The following ABCA2 variants were observed in gnomAD, a reference collection of about 807,000 sequenced individuals.
The protein encoded by ABCA2 is ATP binding cassette subfamily A member 2.
ABCA2 carries 84 observed loss-of-function variants against 262.8 expected under a neutral mutation model. The ratio of observed to expected loss-of-function variants is 0.32; its 90% CI spans 0.27 to 0.38. ABCA2 has a LOEUF of 0.38. Ranked by LOEUF, ABCA2 falls within the 10% of genes least tolerant of loss-of-function variation. The pLI is 1.00. For missense variants in ABCA2, 2,662 were observed against 3,405.9 expected, an observed-to-expected ratio of 0.78 and a Z score of 5.44; for synonymous variants, 1,696 against 1,502.9, an observed-to-expected ratio of 1.13 and a Z score of -2.97.
chr9:137,014,970 G>A lies in ABCA2; in HGVS notation c.3825C>T (p.Leu1275=). ...CLLVSDTSTE[L]SYILPSEAAK... ...CGGCCTCGCTGGGCAGGATGTAGGA[G>A]AGCTCCGTGCTTGTGTCTGAGACCA... The change falls in exon 25 of 49, where the codon CTC becomes CTT. Residue 1275 remains leucine (L), a synonymous_variant. Coordinates refer to ENST00000341511, the MANE Select transcript of ABCA2 (RefSeq NM_001606.5). 2 of 1,578,332 alleles carry A rather than the reference G, an allele frequency of 1.3e-6. No individual in the cohort carries two copies. The highest frequency in any genetic ancestry group is 1.7e-4 in the Middle Eastern group (1 of 5,878).
chr9:137,015,365 C>A, intron 24 of ABCA2, 49 bp downstream of exon 24: 1 of 1,514,406 alleles, frequency 6.6e-7, no homozygotes. Flanking sequence ...AGGTGGGGGT[C>A]CCGGGGAGAA....
upstream of ABCA2, chr9:137,028,580 G>T: frequency 2.4e-6 from 2 of 825,082 alleles, no homozygotes; most frequent in Non-Finnish European, 3.1e-6. The surrounding 1 kb of genome is among the most constrained non-coding windows in gnomAD (Gnocchi z 6.9). Flanking sequence ...CACCGCGCTG[G>T]CGACTCTGCA....
At chr9:137,012,452 C>G (rs774911570) in intron 32 of ABCA2, 33 bp downstream of exon 32, 3 of 1,609,736 alleles carry the variant, frequency 1.9e-6, no homozygotes, top group East Asian at 2.2e-5. Context: ...CGGCGCTACA[C>G]ACAGCGGGGC....
chr9:137,014,008 C>A lies in ABCA2; in HGVS notation c.4271G>T (p.Gly1424Val). 1 of 1,611,738 alleles carries A rather than the reference C, an allele frequency of 6.2e-7. No individual in the cohort carries two copies. Among genetic ancestry groups the A allele is most frequent in the Non-Finnish European group, 8.5e-7 (1 of 1,179,840 alleles). The stretch of plus-strand genomic sequence containing the variant: ...GCCGTCCAGCTTGCGGCTGCCCTGG[C>A]CGACCCTCGACAGGGCCTCTGCCTC... Reference protein sequence around the residue: ...EVEAEALSRVGQGSRKLDGGW... With the variant: ...EVEAEALSRVVQGSRKLDGGW... The change falls in exon 28 of 49, where the codon GGC becomes GTC. Residue 1424 changes from glycine to valine, a missense_variant. Transcript: ENST00000341511.
In ABCA2 at chr9:137,013,304, G is replaced by A; in HGVS notation, c.4565C>T (p.Pro1522Leu). 6.4e-7 allele frequency: 1 copy of A among 1,557,266 alleles called. No individual in the cohort carries two copies. Among genetic ancestry groups the A allele is most frequent in the Non-Finnish European group, 8.6e-7 (1 of 1,157,888 alleles). ...ERREYRLRLS[P>L]DASPQQLVST... Reference sequence around the variant, plus strand: ...CACGAGCTGCTGGGGGCTGGCGTCGGGCGATAGCCGCAGCCTGCGGGCACC... The same window carrying A: ...CACGAGCTGCTGGGGGCTGGCGTCGAGCGATAGCCGCAGCCTGCGGGCACC... The change falls in exon 30 of 49, where the codon CCC becomes CTC. Residue 1522 changes from proline to leucine, a missense_variant. Physicochemically the swap from Pro to Leu is moderately conservative, Grantham distance 98. This residue lies in a region of ABCA2 where 192 missense variants were observed against 207.2 expected (regional missense o/e 0.93). Transcript: ENST00000341511.
intron 31 of ABCA2, 23 bp downstream of exon 31, chr9:137,012,689 C>A: frequency 6.2e-7 from 1 of 1,611,732 alleles, no homozygotes; most frequent in South Asian, 1.1e-5. Context: ...CACCCTCACC[C>A]ACAGCCTCCC....
At position 137,021,839 on chromosome 9, in the gene ABCA2, C is replaced by G; in HGVS notation, c.678+52G>C. 6.7e-7 allele frequency: 1 copy of G among 1,492,492 alleles called. No homozygotes were observed. Among genetic ancestry groups the G allele is most frequent in the Non-Finnish European group, 9.2e-7 (1 of 1,091,788 alleles). The allele number at this position is 1,492,492 out of a possible 1,614,324, so 92.5% of individuals were successfully genotyped here. On this transcript the variant is annotated intron_variant, in intron 7 of 48. Coordinates refer to ENST00000341511, the MANE Select transcript of ABCA2 (RefSeq NM_001606.5). This position sits in a 1 kb window ranked among gnomAD's most constrained non-coding sequence, Gnocchi z 6.0. ...TTTCCTCACCCACGGAGCAGAAGCA[C>G]CCCCAGAGGCAGGCAGCACTCCAGG...
In ABCA2 at chr9:137,014,775, G is replaced by T; in HGVS notation, c.3918C>A (p.Ser1306Arg). 1 of 1,601,088 alleles carries T rather than the reference G, an allele frequency of 6.2e-7. No homozygotes were observed. The highest frequency in any genetic ancestry group is 1.3e-5 in the African/African-American group (1 of 74,992). ...LERSLDALHL[S>R]SFGLMDTTLE... The stretch of plus-strand genomic sequence containing the variant: ...GGGTCGTGTCCATCAGCCCGAAGCT[G>T]CTGAGGTGCAGTGCATCCAGGCTGC... The change falls in exon 26 of 49, where the codon AGC (serine) becomes AGA (arginine). Residue 1306 changes from serine to arginine, a missense_variant. Physicochemically the swap from Ser to Arg is moderately radical, Grantham distance 110. Around this residue, in one of 12 missense-constraint regions of ABCA2, gnomAD observed 297 missense variants for 286.5 expected, o/e 1.04. Transcript: ENST00000341511.
At chr9:137,009,939 C>A in intron 42 of ABCA2, 36 bp from the exon 43 acceptor site, 1 of 1,597,894 alleles carries the variant, frequency 6.3e-7, no homozygotes, top group Non-Finnish European at 8.5e-7. Context: ...GGAGGCAGGG[C>A]CACCCAGCGT....
Position 137,021,714 on chromosome 9 carries a change from TGCCTGG to T in ABCA2, c.679-110_679-105del. On this transcript the variant is annotated intron_variant, in intron 7 of 48. Transcript: ENST00000341511. The surrounding 1 kb of genome is among the most constrained non-coding windows in gnomAD (Gnocchi z 6.0). ...CCCACCCACTGGCTGGCTCTGGGGC[TGCCTGG>T]GTCCCACGACATGCCTCTACCCCTC... is the stretch of plus-strand genomic sequence containing the variant. 1 of 1,332,018 alleles carries T rather than the reference TGCCTGG, an allele frequency of 7.5e-7. No homozygotes were observed. Among genetic ancestry groups the T allele is most frequent in the South Asian group, 1.3e-5 (1 of 74,104 alleles). The allele number at this position is 1,332,018 out of a possible 1,614,324, so 82.5% of individuals were successfully genotyped here. A position where few individuals can be genotyped will look rare whatever the true frequency, so the allele number is the denominator to read the frequency against.
chr9:137,016,841 GA>G, intron 19 of ABCA2, 78 bp downstream of exon 19: 1 of 1,573,886 alleles, frequency 6.4e-7, no homozygotes, highest in Non-Finnish European at 8.6e-7. Context: ...CTGCATCCAG[GA>G]GTGGACACAG....
chr9:137,019,535 G>T lies in ABCA2; in HGVS notation c.1426-229C>A. The stretch of plus-strand genomic sequence containing the variant: ...CCTCCCAGGCTCAAGGGATCCTCCC[G>T]CCTCAGCCCTCCAAGTAGCTGGGAT... On this transcript the variant is annotated intron_variant, in intron 10 of 48. Transcript: ENST00000341511. This position sits in a 1 kb window ranked among gnomAD's most constrained non-coding sequence, Gnocchi z 4.4. The T allele has an allele frequency of 2.0e-6, 1 of 500,688 alleles. No homozygotes were observed. The allele number at this position is 500,688 out of a possible 1,614,324, so 31.0% of individuals were successfully genotyped here. A position where few individuals can be genotyped will look rare whatever the true frequency, so the allele number is the denominator to read the frequency against.
chr9:137,014,088 C>G, intron 27 of ABCA2, 50 bp from the exon 28 acceptor site: 2 of 1,596,226 alleles, frequency 1.3e-6, no homozygotes, highest in Non-Finnish European at 1.7e-6. Flanking sequence ...TACCCTCTCC[C>G]TACTGGCTGC....
intron 26 of ABCA2, 143 bp from the exon 27 acceptor site, chr9:137,014,547 A>G: frequency 6.8e-7 from 1 of 1,460,964 alleles, no homozygotes; most frequent in Non-Finnish European, 9.2e-7. Flanking sequence ...CCCACCTAGG[A>G]CCGCAGGCTA....
Position 137,014,303 on chromosome 9 carries a change from A to G in ABCA2, c.4105T>C (p.Ser1369Pro). 3 of 1,610,884 alleles carry G rather than the reference A, an allele frequency of 1.9e-6. No individual in the cohort carries two copies. The change falls in exon 27 of 49, where the codon TCG becomes CCG. Residue 1369 changes from serine (S) to proline (P), a missense_variant. Physicochemically the swap from Ser to Pro is moderately conservative, Grantham distance 74. This residue lies in a region of ABCA2 where 297 missense variants were observed against 286.5 expected (regional missense o/e 1.04). Transcript: ENST00000341511. ...NLARCSELTQ[S>P]QASLQSASSV... ...GACGCCGACTGCAGCGATGCCTGCG[A>G]CTGGGTCAGCTCCGAGCACCGGGCC... is the stretch of plus-strand genomic sequence containing the variant.
intron 13 of ABCA2, 76 bp from the exon 14 acceptor site, chr9:137,018,427 G>T (rs1323033805): frequency 1.0e-6 from 1 of 997,930 alleles, no homozygotes; most frequent in South Asian, 1.7e-5. Flanking sequence ...AGCAAGGCAC[G>T]GGGGCGGGGC....
chr9:137,022,805 T>C lies in ABCA2; in HGVS notation c.336A>G (p.Pro112=), dbSNP rs1302041570. Residue 112 remains proline (P), a synonymous_variant, in exon 5 of 49, where the codon CCA becomes CCG. Transcript: ENST00000341511. ...RVVEEGNLFD[P]ARPSLGSELE... ...GCTCTGAGCCCAGGCTGGGCCGCGC[T>C]GGGTCAAACAGGTTGCCTTCCTCCA... The C allele has an allele frequency of 6.3e-7, 1 of 1,592,374 alleles. No homozygotes were observed. Among genetic ancestry groups the C allele is most frequent in the Admixed American group, 1.8e-5 (1 of 57,136 alleles).
chr9:137,018,927 G>A lies in ABCA2; in HGVS notation c.1698C>T (p.Cys566=), dbSNP rs372974201. The A allele has an allele frequency of 5.0e-6, 8 of 1,612,442 alleles. No homozygotes were observed. The highest frequency in any genetic ancestry group is 2.2e-5 in the East Asian group (1 of 44,878). The part of the protein sequence containing the change: ...QQLDTIDNAA[C]GWIQFMSKVS... ...CCTTGGACATGAACTGGATCCAGCCGCAGGCCGCGTTGTCAATGGTATCCA... is the reference window on the plus strand; with the variant it reads ...CCTTGGACATGAACTGGATCCAGCCACAGGCCGCGTTGTCAATGGTATCCA... The change falls in exon 12 of 49, where the codon TGC becomes TGT. Residue 566 remains cysteine (C), a synonymous_variant. Transcript: ENST00000341511.
Position 137,011,783 on chromosome 9 carries a change from G to C in ABCA2, c.5536-34C>G, listed in dbSNP as rs772495147. On this transcript the variant is annotated intron_variant, in intron 35 of 48. Transcript: ENST00000341511. The surrounding 1 kb of genome is among the most constrained non-coding windows in gnomAD (Gnocchi z 8.8). ...GTGGGGGCGGCTGGTGAGAGACCCG[G>C]GGCAGGGCGGGGATGGGGGATGAGA... 3.9e-6 allele frequency: 6 copies of C among 1,550,348 alleles called. No homozygotes were observed. The highest frequency in any genetic ancestry group is 4.4e-6 in the Non-Finnish European group (5 of 1,147,264).
Sources: gnomAD v4.1 joint callset for allele counts on GRCh38, gnomAD v4.1.1 for gene constraint, gnomAD v4.1.1 regional missense constraint, Gnocchi (gnomAD v3.1) non-coding constraint, MANE v1.5 for transcripts, NCBI Gene and HGNC (gene_info 2026-07-23, HGNC 2026-07-21) for gene names.